ITSN1: variants seen among roughly 807,000 people sequenced by gnomAD.
ITSN1 encodes the protein intersectin-1.
Under a neutral mutation model 239.8 loss-of-function variants are expected in ITSN1, and 58 were observed. The observed-to-expected ratio is 0.24, with a 90% CI of 0.20 to 0.30. ITSN1 has a LOEUF of 0.30. Ranked by LOEUF, ITSN1 falls within the 10% of genes least tolerant of loss-of-function variation. The pLI is 1.00. For missense variants in ITSN1, 1,558 were observed against 2,103.3 expected, an observed-to-expected ratio of 0.74 and a Z score of 5.07; for synonymous variants, 780 against 770.8, an observed-to-expected ratio of 1.01 and a Z score of -0.20.
chr21:33,701,255 C>T (rs918890412), intron 1 of ITSN1, among the ~76,000 whole-genome samples: 1 of 152,106 alleles, frequency 6.6e-6, no homozygotes, highest in African/African-American at 2.4e-5. Flanking sequence ...CATGCCACCA[C>T]GCCCAGCTAG....
At position 33,895,585 on chromosome 21, in the gene ITSN1, G is replaced by GT. The variant is rs2148592697; in HGVS notation, c.*7288dup. Reference sequence around the variant, plus strand: ...TGCGTGTATGTGTGCGTGTGTGCATGTTTGTGAGTGCATGTGTTTGTGCGT... The same window carrying GT: ...TGCGTGTATGTGTGCGTGTGTGCATGTTTTGTGAGTGCATGTGTTTGTGCGT... On this transcript the variant is annotated 3_prime_UTR_variant, in exon 40 of 40. Transcript: ENST00000381318. 6.9e-6 allele frequency: 1 copy of GT among 145,656 alleles called. No individual in the cohort carries two copies. The highest frequency in any genetic ancestry group is 2.2e-4 in the South Asian group (1 of 4,490). The allele number at this position is 145,656 out of a possible 1,614,324, so 9.0% of individuals were successfully genotyped here.
chr21:33,854,979 C>T (rs760507295), intron 29 of ITSN1, among the ~76,000 whole-genome samples: 1 of 152,128 alleles, frequency 6.6e-6, no homozygotes, highest in African/African-American at 2.4e-5. Context: ...GACAATTGGC[C>T]CAGAGAACGG....
At chr21:33,792,806 T>C (rs1163653846) in intron 16 of ITSN1, among the ~76,000 whole-genome samples, 1 of 152,196 alleles carries the variant, frequency 6.6e-6, no homozygotes, top group Admixed American at 6.5e-5. Context: ...AAGGTACCTT[T>C]TCCTGCTGTG....
intron 1 of ITSN1, chr21:33,716,422 C>T (rs1328490222): frequency 6.6e-6 from 1 of 152,190 alleles, no homozygotes; most frequent in Non-Finnish European, 1.5e-5. Context: ...TTCTTCACTC[C>T]TCCTCAAGGC....
chr21:33,696,545 T>G (rs2091801971), intron 1 of ITSN1, among the ~76,000 whole-genome samples: 1 of 152,238 alleles, frequency 6.6e-6, no homozygotes, highest in South Asian at 2.1e-4. Context: ...TGAATATGTT[T>G]AAATGTAGGG....
intron 27 of ITSN1, among the ~76,000 whole-genome samples, chr21:33,831,653 G>C (rs1276240000): frequency 6.6e-6 from 1 of 152,078 alleles, no homozygotes; most frequent in African/African-American, 2.4e-5. Context: ...GTCTCACACA[G>C]TCCCGTCTAC....
At chr21:33,774,537 C>G in intron 12 of ITSN1, 192 bp from the exon 13 acceptor site, 1 of 538,838 alleles carries the variant, frequency 1.9e-6, no homozygotes, top group Non-Finnish European at 3.3e-6. Flanking sequence ...ATACCCAGTT[C>G]TGTGTATTCC....
intron 1 of ITSN1, among the ~76,000 whole-genome samples, chr21:33,678,111 G>A (rs997529205): frequency 1.3e-5 from 2 of 152,212 alleles, no homozygotes; most frequent in South Asian, 4.2e-4. Flanking sequence ...TCTTCCTTCT[G>A]CACTCCCCTT....
chr21:33,661,372 G>T (rs2089544180), intron 1 of ITSN1, among the ~76,000 whole-genome samples: 1 of 152,086 alleles, frequency 6.6e-6, no homozygotes, highest in Non-Finnish European at 1.5e-5. Context: ...GTGTACTCAA[G>T]GGCTGAGATT....
chr21:33,754,994 G>A (rs1404832669), intron 7 of ITSN1, among the ~76,000 whole-genome samples: 1 of 152,060 alleles, frequency 6.6e-6, no homozygotes, highest in African/African-American at 2.4e-5. Context: ...AGTTACAAGA[G>A]GTTTTTCATA....
Position 33,772,081 on chromosome 21 carries a change from C to T in ITSN1, c.1063C>T (p.Arg355Trp). 2 of 1,614,098 alleles carry T rather than the reference C, an allele frequency of 1.2e-6. No individual in the cohort carries two copies. Among genetic ancestry groups the T allele is most frequent in the Non-Finnish European group, 1.7e-6 (2 of 1,180,010 alleles). ...TGAAGTAACGTTTGAAGATAAGAAGCGGGAGAACTTTGAACGTGGCAACCT... is the reference window on the plus strand; with the variant it reads ...TGAAGTAACGTTTGAAGATAAGAAGTGGGAGAACTTTGAACGTGGCAACCT... ...KLPVTFEDKK[R>W]ENFERGNLEL... Residue 355 changes from arginine (R) to tryptophan (W), a missense_variant, in exon 12 of 40, where the codon CGG becomes TGG. Arg to Trp is a moderately radical substitution (Grantham distance 101, BLOSUM62 -3). Coordinates refer to ENST00000381318, the MANE Select transcript of ITSN1 (RefSeq NM_003024.3).
At chr21:33,828,548 G>A (rs2074102672) in intron 26 of ITSN1, among the ~76,000 whole-genome samples, 1 of 152,246 alleles carries the variant, frequency 6.6e-6, no homozygotes, top group Admixed American at 6.5e-5. Flanking sequence ...CCTGGAGTGA[G>A]TAGAAAAGTA....
chr21:33,855,014 AC>A (rs1475968292), intron 29 of ITSN1, among the ~76,000 whole-genome samples: 1 of 152,210 alleles, frequency 6.6e-6, no homozygotes, highest in Non-Finnish European at 1.5e-5. Context: ...TGGAAGCACC[AC>A]AACCCGAGAG....
intron 22 of ITSN1, 124 bp from the exon 23 acceptor site, chr21:33,818,143 G>A (rs2073411850): frequency 1.4e-6 from 1 of 717,972 alleles, no homozygotes; most frequent in African/African-American, 1.8e-5. Flanking sequence ...GCTGCCTCAG[G>A]GCCCTTTGTG....
chr21:33,722,567 CTT>C lies in ITSN1; in HGVS notation c.122-17_122-16del. 7.8e-7 allele frequency: 1 copy of C among 1,278,524 alleles called. No individual in the cohort carries two copies. The highest frequency in any genetic ancestry group is 3.0e-5 in the Admixed American group (1 of 32,888). 79.2% of individuals were successfully genotyped at this position (1,278,524 alleles called of 1,614,324 possible). A position where few individuals can be genotyped will look rare whatever the true frequency, so the allele number is the denominator to read the frequency against. On this transcript the variant is annotated intron_variant, in intron 3 of 39. Transcript: ENST00000381318. ...TTGTTTTTTTTTTTTTTTCCTGAAA[CTT>C]TTTCTGTTTAATTTACAGGTGATCA...
chr21:33,741,180 G>C (rs1294374936), intron 5 of ITSN1, among the ~76,000 whole-genome samples: 1 of 152,138 alleles, frequency 6.6e-6, no homozygotes, highest in African/African-American at 2.4e-5. Flanking sequence ...CCTTTTGAAA[G>C]TCTGAATGAT....
chr21:33,781,618 TC>T, intron 15 of ITSN1, 70 bp downstream of exon 15: 2 of 889,960 alleles, frequency 2.2e-6, no homozygotes, highest in Non-Finnish European at 3.5e-6. Flanking sequence ...TCTCACTCTG[TC>T]CCCCAGGCTG....
chr21:33,653,504 A>G (rs759869383), intron 1 of ITSN1, among the ~76,000 whole-genome samples: 1 of 152,016 alleles, frequency 6.6e-6, no homozygotes. Context: ...TTTATAATTT[A>G]TTTTTAACTT....
At chr21:33,843,900 C>A (rs2074907214) in intron 29 of ITSN1, among the ~76,000 whole-genome samples, 1 of 152,196 alleles carries the variant, frequency 6.6e-6, no homozygotes, top group African/African-American at 2.4e-5. Context: ...AGCTTTGTTG[C>A]TGTTGTTTTT....
Sources: allele counts gnomAD v4.1 joint callset (sites outside exome capture counted in the v4.1 genomes callset), GRCh38; gene constraint gnomAD v4.1.1; transcripts MANE v1.5; gene names NCBI Gene and HGNC (gene_info 2026-07-23, HGNC 2026-07-21).